Variants in TTN observed in about 807,000 individuals in gnomAD.
TTN encodes titin, also known as connectin.
In TTN, 1,525 loss-of-function variants were observed where a neutral mutation model predicts 3,223.0. That is an observed-to-expected ratio of 0.47 (90% CI 0.45 to 0.49). TTN has a LOEUF of 0.49. Ranked by LOEUF, TTN falls within the 20% of genes least tolerant of loss-of-function variation. The probability of loss-of-function intolerance (pLI) is 0.00; values close to 1 mark genes in which losing one functional copy is unlikely to be tolerated. For synonymous variants in TTN, 14,094 were observed against 15,161.0 expected, an observed-to-expected ratio of 0.93 and a Z score of 5.17; for missense variants, 40,786 against 43,424.0, an observed-to-expected ratio of 0.94 and a Z score of 5.40.
At chr2:178,677,142 C>T (rs2068247164) in intron 147 of TTN, 59 bp downstream of exon 147, 1 of 1,122,348 alleles carries the variant, frequency 8.9e-7, no homozygotes, top group Non-Finnish European at 1.1e-6. Flanking sequence ...CCAGTTTCAT[C>T]ATAATTTATG....
Position 178,536,431 on chromosome 2 carries a change from CATTT to C in TTN, c.100312_100315del (p.Lys33438GlyfsTer4). On this transcript the variant is annotated frameshift_variant, in exon 357 of 363. Coordinates refer to ENST00000589042, the MANE Select transcript of TTN (RefSeq NM_001267550.2). LOFTEE classifies it high-confidence loss of function. ...AATTTCTTCTGTTGTCACAGAAATC[CATTT>C]ATTCTGCTTCTTCTCACGCTTCTCA... 1 of 1,612,976 alleles carries C rather than the reference CATTT, an allele frequency of 6.2e-7. No individual in the cohort carries two copies.
chr2:178,711,840 T>G, intron 96 of TTN, 104 bp downstream of exon 96: 1 of 1,391,604 alleles, frequency 7.2e-7, no homozygotes, highest in South Asian at 1.6e-5. Flanking sequence ...AAGCAGAATT[T>G]TAAGCCTTTG....
At chr2:178,540,785 G>A (rs984934857) in intron 350 of TTN, among the ~76,000 whole-genome samples, 1 of 152,050 alleles carries the variant, frequency 6.6e-6, no homozygotes, top group East Asian at 1.9e-4. Flanking sequence ...GACAGAGTGA[G>A]ACTCTGTCTC....
chr2:178,653,154 A>C, intron 198 of TTN, 30 bp from the exon 199 acceptor site: 3 of 1,609,388 alleles, frequency 1.9e-6, no homozygotes, highest in South Asian at 2.2e-5. Flanking sequence ...AATTACATTT[A>C]GGGGTTATGA....
chr2:178,618,817 A>G lies in TTN; in HGVS notation c.46733T>C (p.Val15578Ala). 1 of 1,610,742 alleles carries G rather than the reference A, an allele frequency of 6.2e-7. No individual in the cohort carries two copies. Among genetic ancestry groups the G allele is most frequent in the Non-Finnish European group, 8.5e-7 (1 of 1,178,620 alleles). ...TGTCAGAGGCTTGCCAACATCAACC[A>G]CAAGGTCTTGGTCAGCTGTCTTGAT... ...PKIKTADQDL[V>A]VDVGKPLTMV... Residue 15578 changes from valine (V) to alanine (A), a missense_variant, in exon 251 of 363, where the codon GTG becomes GCG. Physicochemically the swap from Val to Ala is moderately conservative, Grantham distance 64. Coordinates refer to ENST00000589042, the MANE Select transcript of TTN (RefSeq NM_001267550.2).
chr2:178,731,257 T>C lies in TTN; in HGVS notation c.17461+48A>G, dbSNP rs569918979. The C allele has an allele frequency of 5.1e-5, 82 of 1,611,002 alleles. No individual in the cohort carries two copies. In the Admixed American group the frequency reaches 8.3e-4, roughly 16 times the overall value. On this transcript the variant is annotated intron_variant, in intron 59 of 362. Transcript: ENST00000589042. ...TTGTGCATTACCCTGCTGAAAGGCT[T>C]ACATCTGCATTTCTTCCTCAAACCC... is the stretch of plus-strand genomic sequence containing the variant.
chr2:178,621,802 C>G, intron 244 of TTN, 38 bp downstream of exon 244: 2 of 1,608,786 alleles, frequency 1.2e-6, no homozygotes, highest in Non-Finnish European at 1.7e-6. Context: ...TATTTTTTCC[C>G]AACACATATA....
Position 178,551,197 on chromosome 2 carries a change from G to C in TTN, c.91334C>G (p.Pro30445Arg). ...CTTACTGCCTCCATCACGCAATGGT[G>C]GGTTCCATTTAAGTGTGATGGTTTC... ...TRETITLKWN[P>R]PLRDGGSKIV... The change falls in exon 336 of 363, where the codon CCA becomes CGA. Residue 30445 changes from proline to arginine, a missense_variant. Pro to Arg is a moderately radical substitution (Grantham distance 103). Coordinates refer to ENST00000589042, the MANE Select transcript of TTN (RefSeq NM_001267550.2). 4.3e-6 allele frequency: 7 copies of C among 1,613,490 alleles called. No homozygotes were observed. Among genetic ancestry groups the C allele is most frequent in the Non-Finnish European group, 5.9e-6 (7 of 1,179,660 alleles).
Position 178,537,692 on chromosome 2 carries a change from G to A in TTN, c.99515C>T (p.Thr33172Ile). The A allele has an allele frequency of 6.2e-7, 1 of 1,613,752 alleles. No homozygotes were observed. The highest frequency in any genetic ancestry group is 8.5e-7 in the Non-Finnish European group (1 of 1,179,774). Reference sequence around the variant, plus strand: ...TCCAACCTCATTGGTGGCTATGCAGGTATAAACACCTTCATCTTCCTGTTC... The same window carrying A: ...TCCAACCTCATTGGTGGCTATGCAGATATAAACACCTTCATCTTCCTGTTC... ...TEEQEDEGVY[T>I]CIATNEVGEV... The change falls in exon 355 of 363, where the codon ACC becomes ATC. Residue 33172 changes from threonine to isoleucine, a missense_variant. Coordinates refer to ENST00000589042, the MANE Select transcript of TTN (RefSeq NM_001267550.2).
In TTN at chr2:178,607,831, T is replaced by G. The variant is rs1325497507; in HGVS notation, c.52956A>C (p.Glu17652Asp). 2 of 1,613,056 alleles carry G rather than the reference T, an allele frequency of 1.2e-6. No individual in the cohort carries two copies. The highest frequency in any genetic ancestry group is 3.3e-5 in the Admixed American group (2 of 59,974). Residue 17652 changes from glutamate (E) to aspartate (D), a missense_variant, in exon 276 of 363, where the codon GAA (glutamate) becomes GAC (aspartate). Coordinates refer to ENST00000589042, the MANE Select transcript of TTN (RefSeq NM_001267550.2). Reference protein sequence around the residue: ...LRVSAVNAAGEGPPGETQPVT... With the variant: ...LRVSAVNAAGDGPPGETQPVT... ...CAGGTTGTGTTTCTCCAGGCGGTCC[T>G]TCCCCTGCGGCATTGACAGCACTCA...
Position 178,563,332 on chromosome 2 carries a change from T to G in TTN, c.82800A>C (p.Ala27600=). 1 of 1,613,592 alleles carries G rather than the reference T, an allele frequency of 6.2e-7. No homozygotes were observed. Among genetic ancestry groups the G allele is most frequent in the African/African-American group, 1.3e-5 (1 of 75,010 alleles). The stretch of plus-strand genomic sequence containing the variant: ...CCTCTACAACATAGCCTTTAACAGG[T>G]GCGCCACCATCATAAATTGGCTTAC... ...AWSKPIYDGG[A]PVKGYVVEVK... Residue 27600 remains alanine, a synonymous_variant, in exon 326 of 363, where the codon GCA becomes GCC. Transcript: ENST00000589042. The surrounding 1 kb of genome is among the most constrained non-coding windows in gnomAD (Gnocchi z 4.5).
intron 51 of TTN, 41 bp from the exon 52 acceptor site, chr2:178,734,647 A>G (rs1336906143): frequency 6.4e-7 from 1 of 1,564,902 alleles, no homozygotes; most frequent in African/African-American, 1.4e-5. Context: ...ATGGGTAATA[A>G]GTAATTAAAA....
At position 178,665,401 on chromosome 2, in the gene TTN, C is replaced by G. The variant is rs761660130; in HGVS notation, c.36019G>C (p.Glu12007Gln). 5.0e-5 allele frequency: 81 copies of G among 1,612,302 alleles called. No homozygotes were observed. The highest frequency in any genetic ancestry group is 2.8e-4 in the Admixed American group (17 of 59,952). Residue 12007 changes from glutamate to glutamine, a missense_variant, in exon 165 of 363, where the codon GAG becomes CAG. By Grantham distance (29) the Glu-to-Gln change is conservative (BLOSUM62 2). Transcript: ENST00000589042. Reference protein sequence around the residue: ...EMKIFEDVPEEPETPRMKTPE... With the variant: ...EMKIFEDVPEQPETPRMKTPE... ...CTTTTCATACGTGGAGTTTCTGGCTCTTCAGGTACATCCTCAAATATTTTC... is the reference window on the plus strand; with the variant it reads ...CTTTTCATACGTGGAGTTTCTGGCTGTTCAGGTACATCCTCAAATATTTTC...
Position 178,582,577 on chromosome 2 carries a change from G to A in TTN, c.65879C>T (p.Pro21960Leu). The A allele has an allele frequency of 6.2e-7, 1 of 1,608,148 alleles. No homozygotes were observed. The highest frequency in any genetic ancestry group is 8.5e-7 in the Non-Finnish European group (1 of 1,176,248). Reference sequence around the variant, plus strand: ...CATTTTGTTGATTTTAACAGATGCTGGAGGACCCGGTTTATCTGAAGGAAT... The same window carrying A: ...CATTTTGTTGATTTTAACAGATGCTAGAGGACCCGGTTTATCTGAAGGAAT... Reference protein sequence around the residue: ...KLKVLDKPGPPASVKINKMYS... With the variant: ...KLKVLDKPGPLASVKINKMYS... Residue 21960 changes from proline (P) to leucine (L), a missense_variant, in exon 314 of 363, where the codon CCA becomes CTA. Coordinates refer to ENST00000589042, the MANE Select transcript of TTN (RefSeq NM_001267550.2).
In TTN at chr2:178,776,244, A is replaced by C. The variant is rs2092211950; in HGVS notation, c.5620T>G (p.Trp1874Gly). Residue 1874 changes from tryptophan (W) to glycine (G), a missense_variant, in exon 28 of 363, where the codon TGG becomes GGG. By Grantham distance (184) the Trp-to-Gly change is radical (BLOSUM62 -2). Coordinates refer to ENST00000589042, the MANE Select transcript of TTN (RefSeq NM_001267550.2). ...CGGATGAGCTGTCCATTGAGGTACC[A>C]GTTGACTTTGGGCTGAGGGTAGCCT... ...VTGYPQPKVN[W>G]YLNGQLIRKS... 6.2e-7 allele frequency: 1 copy of C among 1,614,064 alleles called. No individual in the cohort carries two copies. The highest frequency in any genetic ancestry group is 1.3e-5 in the African/African-American group (1 of 74,918).
At chr2:178,754,581 A>G (rs1182364250) in intron 46 of TTN, among the ~76,000 whole-genome samples, 1 of 152,168 alleles carries the variant, frequency 6.6e-6, no homozygotes, top group Admixed American at 6.6e-5. Flanking sequence ...TCCCACCTTC[A>G]CAACACAGCC....
Position 178,602,398 on chromosome 2 carries a change from A to G in TTN, c.55004T>C (p.Val18335Ala). ...CCTGAGCTCTTTCAGATTAGGCACC[A>G]CACATTCACAGGTAGTTATAAGTTT... ...PDKLITTCEC[V>A]VPNLKELRKY... Residue 18335 changes from valine to alanine, a missense_variant, in exon 283 of 363, where the codon GTG (valine) becomes GCG (alanine). Transcript: ENST00000589042. The G allele has an allele frequency of 6.2e-7, 1 of 1,612,768 alleles. No individual in the cohort carries two copies. The highest frequency in any genetic ancestry group is 1.3e-5 in the African/African-American group (1 of 74,942).
intron 106 of TTN, 26 bp downstream of exon 106, chr2:178,704,121 C>T: frequency 6.2e-7 from 1 of 1,609,824 alleles, no homozygotes; most frequent in Non-Finnish European, 8.5e-7. Flanking sequence ...GCTGTACCCA[C>T]AAGGACTCCA....
Position 178,774,120 on chromosome 2 carries a change from A to G in TTN, c.7058-10T>C. 5 of 1,614,102 alleles carry G rather than the reference A, an allele frequency of 3.1e-6. No individual in the cohort carries two copies. Among genetic ancestry groups the G allele is most frequent in the Non-Finnish European group, 4.2e-6 (5 of 1,179,964 alleles). On this transcript the variant is annotated splice_polypyrimidine_tract_variant and intron_variant, in intron 30 of 362. Transcript: ENST00000589042. ...ATAGCAATGGGGCGGGCTGTGAAAT[A>G]TGGGGAGAAAAAGAATGTTATGATC...
Sources: allele counts gnomAD v4.1 joint callset (sites outside exome capture counted in the v4.1 genomes callset), GRCh38; gene constraint gnomAD v4.1.1; non-coding constraint Gnocchi (gnomAD v3.1); transcripts MANE v1.5; gene names NCBI Gene and HGNC (gene_info 2026-07-23, HGNC 2026-07-21).